Variants in MIEF1 observed in about 807,000 individuals in gnomAD.
The protein encoded by MIEF1 is mitochondrial dynamics protein MIEF1.
In MIEF1, 14 loss-of-function variants were observed where a neutral mutation model predicts 35.1. The ratio of observed to expected loss-of-function variants is 0.40; its 90% CI spans 0.26 to 0.62. MIEF1 has a LOEUF of 0.62. Ranked by LOEUF, MIEF1 falls within the 20% of genes least tolerant of loss-of-function variation. The pLI is 0.43. For synonymous variants in MIEF1, 245 were observed against 254.3 expected (o/e 0.96, Z 0.35); for missense variants, 542 against 615.4 (o/e 0.88, Z 1.26).
rs887495064 is a variant in MIEF1, at chr22:39,512,009, C to A, written c.305C>A (p.Ser102Tyr). ...TCCTTGCAGACCCTTCCCACAGACT[C>A]CTCCACCTTCGACACAGGTGAGAAG... The part of the protein sequence containing the change: ...SRSLQTLPTD[S>Y]STFDTDTFCP... Residue 102 changes from serine to tyrosine, a missense_variant, in exon 4 of 6, where the codon TCC (serine) becomes TAC (tyrosine). By Grantham distance (144) the Ser-to-Tyr change is moderately radical. Coordinates refer to ENST00000325301, the MANE Select transcript of MIEF1 (RefSeq NM_019008.6). 5.0e-6 allele frequency: 8 copies of A among 1,613,220 alleles called. No homozygotes were observed. Among genetic ancestry groups the A allele is most frequent in the Non-Finnish European group, 6.8e-6 (8 of 1,179,674 alleles).
In MIEF1 at chr22:39,504,286, A is replaced by G; in HGVS notation, c.-256A>G. On this transcript the variant is annotated 5_prime_UTR_variant, in exon 2 of 6. Transcript: ENST00000325301. The stretch of plus-strand genomic sequence containing the variant: ...AGTCTCTATCGGGCTCTGTTGCGCC[A>G]GGGCCGACAGCTTCGCTACACTGAT... 2.5e-6 allele frequency: 1 copy of G among 399,088 alleles called. No homozygotes were observed. The highest frequency in any genetic ancestry group is 4.4e-6 in the Non-Finnish European group (1 of 226,108). 24.7% of individuals were successfully genotyped at this position (399,088 alleles called of 1,614,324 possible).
chr22:39,511,945 C>T lies in MIEF1; in HGVS notation c.241C>T (p.Arg81Ter), dbSNP rs953150767. Residue 81 changes from arginine (R) to a stop codon, truncating the protein, a stop_gained, in exon 4 of 6, where the codon CGA becomes TGA. Transcript: ENST00000325301. LOFTEE classifies it high-confidence loss of function. ...AGAACCCAACTGGATGGGCTCCCCACGACTGCTGAACAGGGACATGAAGAC... is the reference window on the plus strand; with the variant it reads ...AGAACCCAACTGGATGGGCTCCCCATGACTGCTGAACAGGGACATGAAGAC... Reference protein sequence around the residue: ...WEEPNWMGSPRLLNRDMKTGL... With the variant: ...WEEPNWMGSP The T allele has an allele frequency of 8.1e-6, 13 of 1,614,104 alleles. No homozygotes were observed. Among genetic ancestry groups the T allele is most frequent in the African/African-American group, 1.3e-5 (1 of 74,940 alleles).
In MIEF1 at chr22:39,514,552, T is replaced by C. The variant is rs1001489652; in HGVS notation, c.*229T>C. ...ACTGTGCTCTCTGCCGCCCCCTGGC[T>C]CCAGGCTAATTTTTCTGGAATGAAT... is the stretch of plus-strand genomic sequence containing the variant. On this transcript the variant is annotated 3_prime_UTR_variant, in exon 6 of 6. Transcript: ENST00000325301. The C allele has an allele frequency of 5.3e-6, 3 of 564,570 alleles. No individual in the cohort carries two copies. In the African/African-American group the frequency reaches 5.6e-5, roughly 11 times the overall value. The allele number at this position is 564,570 out of a possible 1,614,324, so 35.0% of individuals were successfully genotyped here. A position where few individuals can be genotyped will look rare whatever the true frequency, so the allele number is the denominator to read the frequency against.
chr22:39,513,466 G>A lies in MIEF1; in HGVS notation c.586-51G>A, dbSNP rs77958753. 2.5e-4 allele frequency: 392 copies of A among 1,554,472 alleles called. No homozygotes were observed. In the African/African-American group the frequency reaches 4.8e-3, roughly 19 times the overall value. ...GTGGGAACCGTCTTAGAGGAAGCAT[G>A]TCTTTTGAACAGAGTAAACCCTCAA... On this transcript the variant is annotated intron_variant, in intron 5 of 5. Transcript: ENST00000325301.
At chr22:39,511,526 T>G (rs1436559427) in intron 3 of MIEF1, 88 bp downstream of exon 3, 1 of 1,442,694 alleles carries the variant, frequency 6.9e-7, no homozygotes, top group Non-Finnish European at 9.1e-7. Flanking sequence ...GTCGAAGCGT[T>G]CTAGGAGGAA....
Position 39,514,087 on chromosome 22 carries a change from A to T in MIEF1, c.1156A>T (p.Thr386Ser). ...ALGHLTASQL[T>S]NVILHLAQEE... is the part of the protein sequence containing the mutation. ...GGGCCACCTCACTGCCAGCCAGCTA[A>T]CCAATGTCATCCTCCACTTGGCCCA... is the stretch of plus-strand genomic sequence containing the variant. The change falls in exon 6 of 6, where the codon ACC becomes TCC. Residue 386 changes from threonine to serine, a missense_variant. By Grantham distance (58) the Thr-to-Ser change is moderately conservative. Transcript: ENST00000325301. The T allele has an allele frequency of 6.2e-7, 1 of 1,614,160 alleles. No homozygotes were observed. The highest frequency in any genetic ancestry group is 8.5e-7 in the Non-Finnish European group (1 of 1,180,036).
Position 39,515,622 on chromosome 22 carries a change from G to A in MIEF1, c.*1299G>A. ...GCATTTCCTACATTCCTCCTTGTTTGCCGCTGCTGAGATTGCAGTATTTAT... is the reference window on the plus strand; with the variant it reads ...GCATTTCCTACATTCCTCCTTGTTTACCGCTGCTGAGATTGCAGTATTTAT... On this transcript the variant is annotated 3_prime_UTR_variant, in exon 6 of 6. Coordinates refer to ENST00000325301, the MANE Select transcript of MIEF1 (RefSeq NM_019008.6). The A allele has an allele frequency of 2.1e-6, 1 of 483,950 alleles. No homozygotes were observed. Among genetic ancestry groups the A allele is most frequent in the South Asian group, 3.4e-5 (1 of 29,352 alleles). The allele number at this position is 483,950 out of a possible 1,614,324, so 30.0% of individuals were successfully genotyped here. A position where few individuals can be genotyped will look rare whatever the true frequency, so the allele number is the denominator to read the frequency against.
chr22:39,509,914 T>C (rs1034222592), intron 2 of MIEF1, among the ~76,000 whole-genome samples: 1 of 152,158 alleles, frequency 6.6e-6, no homozygotes, highest in African/African-American at 2.4e-5. Context: ...AGAAAAAGCG[T>C]CATACAAGGA....
chr22:39,515,201 C>T lies in MIEF1; in HGVS notation c.*878C>T. 1.4e-6 allele frequency: 1 copy of T among 694,398 alleles called. No individual in the cohort carries two copies. Among genetic ancestry groups the T allele is most frequent in the Non-Finnish European group, 2.7e-6 (1 of 371,934 alleles). 43.0% of individuals were successfully genotyped at this position (694,398 alleles called of 1,614,324 possible). A position where few individuals can be genotyped will look rare whatever the true frequency, so the allele number is the denominator to read the frequency against. ...ACTTCATCATGAATGCTGGTTTTCACACCTTTTCCTTATTTTATTGCCAAT... is the reference window on the plus strand; with the variant it reads ...ACTTCATCATGAATGCTGGTTTTCATACCTTTTCCTTATTTTATTGCCAAT... On this transcript the variant is annotated 3_prime_UTR_variant, in exon 6 of 6. Transcript: ENST00000325301.
rs553768655 is a variant in MIEF1, at chr22:39,511,888, C to A, written c.184C>A (p.Arg62Ser). The A allele has an allele frequency of 6.2e-7, 1 of 1,614,074 alleles. No individual in the cohort carries two copies. Among genetic ancestry groups the A allele is most frequent in the African/African-American group, 1.3e-5 (1 of 74,936 alleles). The change falls in exon 4 of 6, where the codon CGC (arginine) becomes AGC (serine). Residue 62 changes from arginine (R) to serine (S), a missense_variant. Physicochemically the swap from Arg to Ser is moderately radical, Grantham distance 110 (BLOSUM62 -1). Transcript: ENST00000325301. ...RAISAPTSPT[R>S]LSHSGKRSWE... ...GATCAGTGCCCCTACCAGCCCCACC[C>A]GCCTGAGCCATTCGGGGAAAAGGAG...
upstream of MIEF1, among the ~76,000 whole-genome samples, chr22:39,501,244 C>T (rs371602998): frequency 1.3e-5 from 2 of 152,202 alleles, no homozygotes; most frequent in African/African-American, 4.8e-5. Context: ...TCCTAGACCA[C>T]GCTGAGCTTA....
rs757946795 is a variant in MIEF1 at position 39,511,942 on chromosome 22, C to G, written c.238C>G (p.Pro80Ala). ...GGAAGAACCCAACTGGATGGGCTCCCCACGACTGCTGAACAGGGACATGAA... is the reference window on the plus strand; with the variant it reads ...GGAAGAACCCAACTGGATGGGCTCCGCACGACTGCTGAACAGGGACATGAA... ...SWEEPNWMGS[P>A]RLLNRDMKTG... is the part of the protein sequence containing the mutation. The change falls in exon 4 of 6, where the codon CCA becomes GCA. Residue 80 changes from proline to alanine, a missense_variant. Transcript: ENST00000325301. 31 of 1,614,222 alleles carry G rather than the reference C, an allele frequency of 1.9e-5. No homozygotes were observed. Among genetic ancestry groups the G allele is most frequent in the Middle Eastern group, 1.6e-4 (1 of 6,062 alleles).
At chr22:39,501,483 C>T (rs1020007812), upstream of MIEF1, among the ~76,000 whole-genome samples, 6 of 152,192 alleles carry the variant, frequency 3.9e-5, no homozygotes, top group Admixed American at 6.5e-5. Context: ...GCGGTGGCCC[C>T]GGTGGCCCCG....
chr22:39,512,173 A>C, intron 4 of MIEF1, 59 bp from the exon 5 acceptor site: 1 of 1,574,876 alleles, frequency 6.3e-7, no homozygotes, highest in Admixed American at 1.7e-5. Context: ...GGGCTGAGGC[A>C]GCTGTGGACT....
intron 1 of MIEF1, among the ~76,000 whole-genome samples, 198 bp downstream of exon 1, chr22:39,502,635 G>T (rs1929797222): frequency 6.6e-6 from 1 of 152,190 alleles, no homozygotes; most frequent in Non-Finnish European, 1.5e-5. Flanking sequence ...CAACCTCGGA[G>T]ACCTCCAGTG....
chr22:39,501,208 G>A (rs1007136636), upstream of MIEF1, among the ~76,000 whole-genome samples: 4 of 152,114 alleles, frequency 2.6e-5, no homozygotes, highest in African/African-American at 9.7e-5. Flanking sequence ...ACTCAGCTGC[G>A]AAAGCACTGG....
rs558394876 is a variant in MIEF1, at chr22:39,511,911, G to T, written c.207G>T (p.Arg69Ser). ...CCCGCCTGAGCCATTCGGGGAAAAG[G>T]AGCTGGGAAGAACCCAACTGGATGG... is the stretch of plus-strand genomic sequence containing the variant. ...SPTRLSHSGKRSWEEPNWMGS... is the reference protein window; with the variant it reads ...SPTRLSHSGKSSWEEPNWMGS... Residue 69 changes from arginine (R) to serine (S), a missense_variant, in exon 4 of 6, where the codon AGG becomes AGT. Transcript: ENST00000325301. The T allele has an allele frequency of 2.0e-5, 33 of 1,614,100 alleles. No individual in the cohort carries two copies. The highest frequency in any genetic ancestry group is 2.4e-5 in the Non-Finnish European group (28 of 1,180,040).
intron 1 of MIEF1, among the ~76,000 whole-genome samples, chr22:39,502,706 G>A (rs1929806132): frequency 6.6e-6 from 1 of 152,250 alleles, no homozygotes; most frequent in Non-Finnish European, 1.5e-5. Context: ...CCCCACGGTT[G>A]GTGAAGTGCA....
At position 39,512,448 on chromosome 22, in the gene MIEF1, C is replaced by T. The variant is rs375966687; in HGVS notation, c.539C>T (p.Pro180Leu). Residue 180 changes from proline to leucine, a missense_variant, in exon 5 of 6, where the codon CCG (proline) becomes CTG (leucine). By Grantham distance (98) the Pro-to-Leu change is moderately conservative. Transcript: ENST00000325301. ...CTGCGGGCCAAGTTGCCTGACATGC[C>T]GCTTCGGGACATGTACTTGAGTGGC... ...SFLRAKLPDMPLRDMYLSGSL... is the reference protein window; with the variant it reads ...SFLRAKLPDMLLRDMYLSGSL... 10 of 1,614,032 alleles carry T rather than the reference C, an allele frequency of 6.2e-6. No homozygotes were observed. Among genetic ancestry groups the T allele is most frequent in the East Asian group, 4.5e-5 (2 of 44,876 alleles).
Sources: gnomAD v4.1 joint callset for allele counts (sites outside exome capture counted in the v4.1 genomes callset) on GRCh38, gnomAD v4.1.1 for gene constraint, MANE v1.5 for transcripts, NCBI Gene and HGNC (gene_info 2026-07-23, HGNC 2026-07-21) for gene names.